The following BCL2 variants were observed in gnomAD, a reference collection of about 807,000 sequenced individuals.
The protein encoded by BCL2 is BCL2 apoptosis regulator.
Under a neutral mutation model 14.2 loss-of-function variants are expected in BCL2, and 1 was observed. That is an observed-to-expected ratio of 0.07 (90% confidence interval 0.02 to 0.33). The LOEUF is 0.33. Among genes scored for constraint, BCL2 ranks in the 10% least tolerant of loss-of-function variants. The pLI, the probability that BCL2 is intolerant of heterozygous loss-of-function variation, is 0.99. For missense variants in BCL2, 247 were observed against 305.9 expected, an observed-to-expected ratio of 0.81 and a Z score of 1.44; for synonymous variants, 151 against 137.2, an observed-to-expected ratio of 1.10 and a Z score of -0.70.
chr18:63,278,484 C>G (rs1912221238), intron 2 of BCL2, among the ~76,000 whole-genome samples: 2 of 152,208 alleles, frequency 1.3e-5, no homozygotes, highest in South Asian at 4.1e-4. Context: ...GGTATCTGTC[C>G]TCACCCCTAA....
intron 2 of BCL2, among the ~76,000 whole-genome samples, chr18:63,204,832 C>A (rs924565199): frequency 3.9e-5 from 6 of 152,096 alleles, no homozygotes; most frequent in Admixed American, 3.9e-4. Flanking sequence ...ATGGTAAAAT[C>A]TCAAGATATA....
intron 2 of BCL2, among the ~76,000 whole-genome samples, chr18:63,230,489 A>T (rs1910660803): frequency 6.6e-6 from 1 of 152,152 alleles, no homozygotes; most frequent in African/African-American, 2.4e-5. Flanking sequence ...TAAAGACAAC[A>T]AATCAATAGA....
chr18:63,272,957 GTCCA>G (rs1313859395), intron 2 of BCL2, among the ~76,000 whole-genome samples: 2 of 150,538 alleles, frequency 1.3e-5, no homozygotes, highest in Non-Finnish European at 3.0e-5. Context: ...TCTCTTGGTA[GTCCA>G]TTCACATTAT....
chr18:63,214,868 G>A (rs1910154852), intron 2 of BCL2, among the ~76,000 whole-genome samples: 1 of 151,966 alleles, frequency 6.6e-6, no homozygotes, highest in Non-Finnish European at 1.5e-5. Context: ...GTGCCACCAT[G>A]CCCAGCTAAT....
Position 63,129,071 on chromosome 18 carries a change from A to T in BCL2, c.586-312T>A, listed in dbSNP as rs566542186. ...AACAGTATAGACAGCAATCAATATA[A>T]ATTATCACATGGTGTAGGAGAGAGT... On this transcript the variant is annotated intron_variant, in intron 2 of 2. Coordinates refer to ENST00000333681, the MANE Select transcript of BCL2 (RefSeq NM_000633.3). 6.6e-5 allele frequency among the ~76,000 whole-genome samples: 10 copies of T among 152,356 alleles called. No individual in the cohort carries two copies. The East Asian group carries it at 1.9e-3, about 29-fold the overall frequency.
intron 2 of BCL2, among the ~76,000 whole-genome samples, chr18:63,154,560 G>A (rs768297120): frequency 1.3e-5 from 2 of 152,132 alleles, no homozygotes; most frequent in African/African-American, 4.8e-5. Context: ...CTGCAGCCTC[G>A]TTCCTCTACA....
intron 2 of BCL2, among the ~76,000 whole-genome samples, chr18:63,246,547 A>G (rs768379452): frequency 1.5e-4 from 23 of 152,146 alleles, no homozygotes; most frequent in Non-Finnish European, 3.1e-4. Flanking sequence ...CATTATCACA[A>G]CAGCACAGGA....
At chr18:63,228,631 T>C (rs1320974369) in intron 2 of BCL2, among the ~76,000 whole-genome samples, 1 of 152,222 alleles carries the variant, frequency 6.6e-6, no homozygotes, top group Admixed American at 6.5e-5. Flanking sequence ...ACAATAAATG[T>C]TCAATAAATG....
chr18:63,159,525 C>T lies in BCL2; in HGVS notation c.586-30766G>A, dbSNP rs964666573. 5.3e-5 allele frequency among the ~76,000 whole-genome samples: 8 copies of T among 152,284 alleles called. No individual in the cohort carries two copies. The South Asian group carries it at 1.5e-3, about 28-fold the overall frequency. ...TATGAATGTTTCTCCTTTTACTTTCCATTTTTACAAATGCATTTAGGGCCA... is the reference window on the plus strand; with the variant it reads ...TATGAATGTTTCTCCTTTTACTTTCTATTTTTACAAATGCATTTAGGGCCA... On this transcript the variant is annotated intron_variant, in intron 2 of 2. Coordinates refer to ENST00000333681, the MANE Select transcript of BCL2 (RefSeq NM_000633.3).
At chr18:63,169,333 C>T (rs7245040) in intron 2 of BCL2, among the ~76,000 whole-genome samples, 11 of 52,416 alleles carry the variant, frequency 2.1e-4, no homozygotes, top group African/African-American at 1.2e-3. Context: ...CTTTCCTTTC[C>T]TTCCTTTCTT....
chr18:63,155,407 C>T (rs1405435687), intron 2 of BCL2, among the ~76,000 whole-genome samples: 5 of 151,812 alleles, frequency 3.3e-5, no homozygotes, highest in Non-Finnish European at 7.4e-5. Flanking sequence ...TGATTGATGT[C>T]GGGTGGGCGT....
In BCL2 at chr18:63,259,760, C is replaced by T. The variant is rs143972883; in HGVS notation, c.585+58322G>A. ...CTTCCAAAGGCAGGTGGGAATTACG[C>T]CAATGAGAAAGCAAGTCACAATTCA... On this transcript the variant is annotated intron_variant, in intron 2 of 2. Coordinates refer to ENST00000333681, the MANE Select transcript of BCL2 (RefSeq NM_000633.3). Among the ~76,000 whole-genome samples, 232 of 152,316 alleles carry T rather than the reference C, an allele frequency of 1.5e-3. 1 individual carries two copies. Among genetic ancestry groups the T allele is most frequent in the African/African-American group, 5.3e-3 (219 of 41,566 alleles).
intron 2 of BCL2, among the ~76,000 whole-genome samples, chr18:63,132,163 C>T (rs945330297): frequency 6.6e-6 from 1 of 152,222 alleles, no homozygotes; most frequent in Non-Finnish European, 1.5e-5. Context: ...TGGGTGAACC[C>T]TGGCTTTGAT....
intron 2 of BCL2, among the ~76,000 whole-genome samples, chr18:63,226,447 A>G (rs1893506): frequency 0.085 from 12,899 of 152,236 alleles, 573 homozygotes; most frequent in South Asian, 0.16. Flanking sequence ...TCAGTGACAT[A>G]AAACTGAAAA....
intron 2 of BCL2, among the ~76,000 whole-genome samples, chr18:63,234,490 C>T (rs1276318240): frequency 2.1e-5 from 1 of 46,652 alleles, no homozygotes; most frequent in African/African-American, 4.4e-5. Flanking sequence ...TAGTCTATCA[C>T]CGATCATTTC....
intron 2 of BCL2, among the ~76,000 whole-genome samples, chr18:63,253,574 T>G (rs2144211799): frequency 6.6e-6 from 1 of 152,304 alleles, no homozygotes; most frequent in African/African-American, 2.4e-5. Context: ...TCCCTAAACC[T>G]AAGCCGTTTA....
At chr18:63,165,633 C>G (rs1301916285) in intron 2 of BCL2, among the ~76,000 whole-genome samples, 1 of 152,234 alleles carries the variant, frequency 6.6e-6, no homozygotes, top group African/African-American at 2.4e-5. Flanking sequence ...CGTGGAGAAA[C>G]TGACTCCTTG....
intron 2 of BCL2, among the ~76,000 whole-genome samples, chr18:63,165,264 G>A (rs1915015013): frequency 6.6e-6 from 1 of 152,120 alleles, no homozygotes; most frequent in African/African-American, 2.4e-5. Flanking sequence ...AGGAGCTCAG[G>A]GCTGACAACC....
intron 2 of BCL2, among the ~76,000 whole-genome samples, chr18:63,208,397 C>T (rs1909905285): frequency 6.9e-6 from 1 of 144,112 alleles, no homozygotes; most frequent in Non-Finnish European, 1.5e-5. Flanking sequence ...CACGTTTTTG[C>T]TCATTTCCCT....
Sources: allele counts gnomAD v4.1 joint callset (sites outside exome capture counted in the v4.1 genomes callset), GRCh38; gene constraint gnomAD v4.1.1; transcripts MANE v1.5; gene names NCBI Gene and HGNC (gene_info 2026-07-23, HGNC 2026-07-21).